Variants in NAA15 observed in about 807,000 individuals in gnomAD.
NAA15 encodes N-terminal acetyltransferase.
In NAA15, 34 loss-of-function variants were observed where a neutral mutation model predicts 114.0. The ratio of observed to expected loss-of-function variants is 0.30; its 90% CI spans 0.23 to 0.40. NAA15 has a LOEUF of 0.40. Ranked by LOEUF, NAA15 falls within the 10% of genes least tolerant of loss-of-function variation. The probability of loss-of-function intolerance (pLI) is 1.00; values close to 1 mark genes in which losing one functional copy is unlikely to be tolerated. For synonymous variants in NAA15, 340 were observed against 338.0 expected (o/e 1.01, Z -0.06); for missense variants, 658 against 1,004.5 (o/e 0.66, Z 4.66).
At chr4:139,377,529 A>G (rs1748623059) in intron 16 of NAA15, among the ~76,000 whole-genome samples, 1 of 144,018 alleles carries the variant, frequency 6.9e-6, no homozygotes, top group East Asian at 2.0e-4. Flanking sequence ...CAAGAATCAA[A>G]CTCCATCTCA....
chr4:139,310,321 G>A (rs1022641681), intron 1 of NAA15, among the ~76,000 whole-genome samples: 1 of 150,156 alleles, frequency 6.7e-6, no homozygotes, highest in African/African-American at 2.4e-5. Context: ...GGGCGTAGTG[G>A]CGGGCGCCTG....
chr4:139,310,410 C>T lies in NAA15; in HGVS notation c.54+8579C>T, dbSNP rs1205656259. On this transcript the variant is annotated intron_variant, in intron 1 of 19. Transcript: ENST00000296543. ...CGGAGCTTGCAGTGAGCCGAGATCC[C>T]GCCACTGCACTCCAGCCTGGGCGAC... 4.7e-5 allele frequency among the ~76,000 whole-genome samples: 7 copies of T among 148,274 alleles called. No homozygotes were observed. The East Asian group carries it at 8.0e-4, about 17-fold the overall frequency.
intron 15 of NAA15, 94 bp downstream of exon 15, chr4:139,370,498 T>G: frequency 1.7e-6 from 2 of 1,211,180 alleles, no homozygotes; most frequent in Non-Finnish European, 2.2e-6. Flanking sequence ...TATAACCTTA[T>G]GTGATATAGG....
At chr4:139,355,753 A>T (rs1371584378) in intron 10 of NAA15, among the ~76,000 whole-genome samples, 1 of 152,106 alleles carries the variant, frequency 6.6e-6, no homozygotes, top group Non-Finnish European at 1.5e-5. Context: ...TATTGTTTTG[A>T]TGGTTTTGCT....
In NAA15 at chr4:139,350,710, A is replaced by T. The variant is rs534714500; in HGVS notation, c.812-481A>T. 3.9e-5 allele frequency among the ~76,000 whole-genome samples: 6 copies of T among 152,372 alleles called. No individual in the cohort carries two copies. The East Asian group carries it at 9.6e-4, about 24-fold the overall frequency. ...ACTGTCTGCAAAAGGAAGAGTAGAG[A>T]TGATGGAGGAATCTAAGATAGACGT... is the stretch of plus-strand genomic sequence containing the variant. On this transcript the variant is annotated intron_variant, in intron 7 of 19. Coordinates refer to ENST00000296543, the MANE Select transcript of NAA15 (RefSeq NM_057175.5).
chr4:139,376,863 C>A (rs966450385), intron 16 of NAA15, among the ~76,000 whole-genome samples: 1 of 151,954 alleles, frequency 6.6e-6, no homozygotes, highest in African/African-American at 2.4e-5. Context: ...AAATTTTGAG[C>A]CTGGATCTTG....
intron 1 of NAA15, among the ~76,000 whole-genome samples, chr4:139,322,339 C>T (rs912496089): frequency 2.0e-5 from 3 of 152,218 alleles, no homozygotes; most frequent in African/African-American, 7.2e-5. Context: ...TGCCTTTCAC[C>T]TTCTGCCATG....
At chr4:139,301,906 C>A in intron 1 of NAA15, 75 bp downstream of exon 1, 1 of 1,489,046 alleles carries the variant, frequency 6.7e-7, no homozygotes, top group South Asian at 1.2e-5. Context: ...AACCTCGGCC[C>A]GGCGGGCACT....
At chr4:139,311,092 A>G (rs1266300893) in intron 1 of NAA15, among the ~76,000 whole-genome samples, 1 of 151,606 alleles carries the variant, frequency 6.6e-6, no homozygotes, top group Non-Finnish European at 1.5e-5. Flanking sequence ...GCCTGGCTAA[A>G]CAGGTGTCCT....
chr4:139,314,063 C>T (rs998375761), intron 1 of NAA15, among the ~76,000 whole-genome samples: 1 of 151,880 alleles, frequency 6.6e-6, no homozygotes, highest in African/African-American at 2.4e-5. Flanking sequence ...AAATGGTTAA[C>T]AAATACATAA....
intron 6 of NAA15, among the ~76,000 whole-genome samples, chr4:139,348,382 G>A (rs577941632): frequency 5.5e-4 from 83 of 151,288 alleles, no homozygotes; most frequent in African/African-American, 1.6e-3. Flanking sequence ...TTAGGAGGTC[G>A]AGGCTGCAGT....
At chr4:139,376,319 C>A in intron 15 of NAA15, 46 bp from the exon 16 acceptor site, 1 of 1,189,638 alleles carries the variant, frequency 8.4e-7, no homozygotes, top group Non-Finnish European at 1.2e-6. Context: ...ATCACATTCC[C>A]CAAGAACCTT....
Position 139,310,183 on chromosome 4 carries a change from G to A in NAA15, c.54+8352G>A, listed in dbSNP as rs569965111. ...ATAAAAACATTTTTGGGCCGGGCGCGGTGGCTCACGCCTGTAATCCCAGCA... is the reference window on the plus strand; with the variant it reads ...ATAAAAACATTTTTGGGCCGGGCGCAGTGGCTCACGCCTGTAATCCCAGCA... On this transcript the variant is annotated intron_variant, in intron 1 of 19. Coordinates refer to ENST00000296543, the MANE Select transcript of NAA15 (RefSeq NM_057175.5). 6.6e-5 allele frequency among the ~76,000 whole-genome samples: 10 copies of A among 152,246 alleles called. No homozygotes were observed. The East Asian group carries it at 9.6e-4, about 15-fold the overall frequency.
At chr4:139,347,430 G>A (rs889482274) in intron 6 of NAA15, among the ~76,000 whole-genome samples, 5 of 151,872 alleles carry the variant, frequency 3.3e-5, no homozygotes, top group African/African-American at 4.8e-5. Flanking sequence ...CTAGGAGTTC[G>A]AGACCAGCCT....
At position 139,315,009 on chromosome 4, in the gene NAA15, AG is replaced by A. The variant is rs1560952789; in HGVS notation, c.54+13180del. 1.4e-3 allele frequency among the ~76,000 whole-genome samples: 171 copies of A among 126,024 alleles called. 7 individuals carry two copies. Among genetic ancestry groups the A allele is most frequent in the African/African-American group, 2.3e-3 (79 of 34,222 alleles). 82.7% of individuals were successfully genotyped at this position (126,024 alleles called of 152,430 possible). On this transcript the variant is annotated intron_variant, in intron 1 of 19. Coordinates refer to ENST00000296543, the MANE Select transcript of NAA15 (RefSeq NM_057175.5). ...CGTTCAGTTCAGTTCAGTTTAGTTT[AG>A]GTTAGGTTAGGTTAGGTTAGGTTAG...
At position 139,388,311 on chromosome 4, in the gene NAA15, A is replaced by G. The variant is rs904813270; in HGVS notation, c.*227A>G. ...TAAAAAATTAAAGCTGCTAAAATTG[A>G]GTGGTTAAAAAAGATACCTTATCCT... On this transcript the variant is annotated 3_prime_UTR_variant, in exon 20 of 20. Coordinates refer to ENST00000296543, the MANE Select transcript of NAA15 (RefSeq NM_057175.5). 1 of 344,742 alleles carries G rather than the reference A, an allele frequency of 2.9e-6. No individual in the cohort carries two copies. Among genetic ancestry groups the G allele is most frequent in the African/African-American group, 2.1e-5 (1 of 46,884 alleles). The allele number at this position is 344,742 out of a possible 1,614,324, so 21.4% of individuals were successfully genotyped here. A position where few individuals can be genotyped will look rare whatever the true frequency, so the allele number is the denominator to read the frequency against.
In NAA15 at chr4:139,312,706, T is replaced by A. The variant is rs1746261986; in HGVS notation, c.54+10875T>A. ...AAAAAATGAAAAAGTTACTTGGATG[T>A]GGTGGTGGTGCAAACCTGTAGTCCT... On this transcript the variant is annotated intron_variant, in intron 1 of 19. Coordinates refer to ENST00000296543, the MANE Select transcript of NAA15 (RefSeq NM_057175.5). Among the ~76,000 whole-genome samples, 2 of 151,580 alleles carry A rather than the reference T, an allele frequency of 1.3e-5. 1 individual carries two copies. The highest frequency in any genetic ancestry group is 4.2e-4 in the South Asian group (2 of 4,810).
intron 16 of NAA15, 98 bp downstream of exon 16, chr4:139,376,571 T>C: frequency 1.3e-6 from 1 of 753,462 alleles, no homozygotes; most frequent in South Asian, 1.6e-5. Flanking sequence ...TACGATTATT[T>C]AGCAAATGCC....
In NAA15 at chr4:139,360,618, A is replaced by G; in HGVS notation, c.1529A>G (p.Glu510Gly). 1 of 1,604,804 alleles carries G rather than the reference A, an allele frequency of 6.2e-7. No homozygotes were observed. Among genetic ancestry groups the G allele is most frequent in the Non-Finnish European group, 8.5e-7 (1 of 1,175,920 alleles). ...GGTGAAGCACTTAAGAAATGTCATGAGATTGAGAGAGTAAGTACCTTCTAC... is the reference window on the plus strand; with the variant it reads ...GGTGAAGCACTTAAGAAATGTCATGGGATTGAGAGAGTAAGTACCTTCTAC... ...KFGEALKKCH[E>G]IERHFIEITD... Residue 510 changes from glutamate (E) to glycine (G), a missense_variant, in exon 13 of 20, where the codon GAG becomes GGG. By Grantham distance (98) the Glu-to-Gly change is moderately conservative. Coordinates refer to ENST00000296543, the MANE Select transcript of NAA15 (RefSeq NM_057175.5).
Sources: gnomAD v4.1 joint callset for allele counts (sites outside exome capture counted in the v4.1 genomes callset) on GRCh38, gnomAD v4.1.1 for gene constraint, MANE v1.5 for transcripts, NCBI Gene and HGNC (gene_info 2026-07-23, HGNC 2026-07-21) for gene names.